The following MYO7A variants were observed in gnomAD, a reference collection of about 807,000 sequenced individuals.
MYO7A encodes the protein unconventional myosin-VIIa.
In MYO7A, 210 loss-of-function variants were observed where a neutral mutation model predicts 263.8. That is an observed-to-expected ratio of 0.80 (90% CI 0.71 to 0.89). The LOEUF is 0.89. MYO7A is among the 40% of genes least tolerant of loss of function. The pLI is 0.00. For missense variants in MYO7A, 2,820 were observed against 2,968.3 expected, an observed-to-expected ratio of 0.95 and a Z score of 1.16; for synonymous variants, 1,239 against 1,197.3, an observed-to-expected ratio of 1.03 and a Z score of -0.72.
chr11:77,153,661 CT>C (rs1952181200), intron 4 of MYO7A, among the ~76,000 whole-genome samples: 1 of 152,210 alleles, frequency 6.6e-6, no homozygotes, highest in Admixed American at 6.5e-5. Flanking sequence ...CTGAAACGGC[CT>C]CTGCCTCCAG....
chr11:77,167,827 G>A (rs781817970), intron 15 of MYO7A, among the ~76,000 whole-genome samples: 4 of 152,114 alleles, frequency 2.6e-5, no homozygotes, highest in Non-Finnish European at 5.9e-5. Flanking sequence ...CTGGATGGTG[G>A]CCTCTCCCCT....
At chr11:77,146,529 G>T (rs982620772) in intron 3 of MYO7A, among the ~76,000 whole-genome samples, 37 of 152,206 alleles carry the variant, frequency 2.4e-4, no homozygotes, top group Non-Finnish European at 5.0e-4. Flanking sequence ...TTAGAGGGTT[G>T]AATGGGCAGG....
chr11:77,204,740 C>T (rs1288200101), intron 39 of MYO7A, among the ~76,000 whole-genome samples: 1 of 152,150 alleles, frequency 6.6e-6, no homozygotes, highest in Non-Finnish European at 1.5e-5. Context: ...AGAAGCTCCA[C>T]CCTCTCTCCT....
intron 5 of MYO7A, among the ~76,000 whole-genome samples, 162 bp downstream of exon 5, chr11:77,156,253 A>G (rs1952450688): frequency 6.6e-6 from 1 of 152,148 alleles, no homozygotes; most frequent in African/African-American, 2.4e-5. Context: ...AATGTAGAAA[A>G]TCACCTCCCC....
chr11:77,193,086 G>T (rs1348769921), intron 31 of MYO7A, among the ~76,000 whole-genome samples: 1 of 88,562 alleles, frequency 1.1e-5, no homozygotes, highest in Admixed American at 1.3e-4. Flanking sequence ...GTAGTTGTTT[G>T]TGATGGTGGA....
At chr11:77,175,891 C>T (rs565940851) in intron 18 of MYO7A, among the ~76,000 whole-genome samples, 17 of 152,344 alleles carry the variant, frequency 1.1e-4, no homozygotes, top group African/African-American at 2.9e-4. Context: ...TGCTGGGGTC[C>T]GCAGCATGCC....
rs186346744 is a variant in MYO7A, at chr11:77,202,160, G to A, written c.5044-140G>A. On this transcript the variant is annotated intron_variant, in intron 36 of 48. Transcript: ENST00000409709. The stretch of plus-strand genomic sequence containing the variant: ...CTCAGAGACCCCAAGGAGGAACGGG[G>A]CTCCCAGGGTCAGAATGGGGCATGG... 8 of 1,111,886 alleles carry A rather than the reference G, an allele frequency of 7.2e-6. No homozygotes were observed. The Admixed American group carries it at 2.4e-4, about 33-fold the overall frequency. 68.9% of individuals were successfully genotyped at this position (1,111,886 alleles called of 1,614,324 possible).
At chr11:77,190,915 G>A (rs775075255) in intron 30 of MYO7A, 45 bp downstream of exon 30, 13 of 1,506,220 alleles carry the variant, frequency 8.6e-6, no homozygotes, top group Admixed American at 4.2e-5. Flanking sequence ...ACCTCCTCCC[G>A]GCCCCACTCC....
chr11:77,184,495 T>G, intron 26 of MYO7A, 93 bp from the exon 27 acceptor site: 1 of 1,110,030 alleles, frequency 9.0e-7, no homozygotes, highest in Non-Finnish European at 1.3e-6. Flanking sequence ...TAGATTCTGT[T>G]TTCTGGGGAG....
At chr11:77,208,972 A>C (rs41298755) in intron 44 of MYO7A, 169 bp downstream of exon 44, 7,909 of 610,886 alleles carry the variant, frequency 0.013, 88 homozygotes, top group Middle Eastern at 0.062. Flanking sequence ...CCAACCCCTG[A>C]TCCTTGTATC....
chr11:77,206,877 C>T (rs1257161779), intron 41 of MYO7A: 3 of 168,960 alleles, frequency 1.8e-5, no homozygotes, highest in African/African-American at 4.8e-5. Flanking sequence ...AGACATCTCT[C>T]CTGCCATTAA....
At chr11:77,203,960 C>A in intron 38 of MYO7A, 116 bp from the exon 39 acceptor site, 2 of 1,193,424 alleles carry the variant, frequency 1.7e-6, no homozygotes, top group Non-Finnish European at 2.3e-6. Flanking sequence ...GAGTGTGCAG[C>A]CTGAGGGCCC....
At chr11:77,171,482 G>A (rs1954089356) in intron 15 of MYO7A, among the ~76,000 whole-genome samples, 1 of 152,188 alleles carries the variant, frequency 6.6e-6, no homozygotes, top group African/African-American at 2.4e-5. Context: ...ATACAATGCA[G>A]TTGGAAAGCA....
chr11:77,161,782 T>C (rs868945869), intron 12 of MYO7A, among the ~76,000 whole-genome samples: 1 of 152,176 alleles, frequency 6.6e-6, no homozygotes, highest in African/African-American at 2.4e-5. Flanking sequence ...CTCTGGGGTC[T>C]TTCTCTCCCA....
Position 77,214,677 on chromosome 11 carries a change from G to T in MYO7A, c.6629G>T (p.Gly2210Val), listed in dbSNP as rs765073964. The T allele has an allele frequency of 6.3e-7, 1 of 1,581,562 alleles. No individual in the cohort carries two copies. Among genetic ancestry groups the T allele is most frequent in the Non-Finnish European group, 8.6e-7 (1 of 1,163,666 alleles). The change falls in exon 49 of 49, where the codon GGC becomes GTC. Residue 2210 changes from glycine to valine, a missense_variant. Coordinates refer to ENST00000409709, the MANE Select transcript of MYO7A (RefSeq NM_000260.4). The part of the protein sequence containing the change: ...QMLTAMSKQR[G>V]SRSGK The stretch of plus-strand genomic sequence containing the variant: ...CTCACAGCCATGAGCAAACAGCGGG[G>T]CTCCAGGAGCGGCAAGTGAACAGTC...
At position 77,182,471 on chromosome 11, in the gene MYO7A, C is replaced by T. The variant is rs1565414739; in HGVS notation, c.3156C>T (p.Leu1052=). Reference sequence around the variant, plus strand: ...CCATCCTCCGCTTCATGGGGGACCTCCCTGAGCCCAAGTACCACACAGCCA... The same window carrying T: ...CCATCCTCCGCTTCATGGGGGACCTTCCTGAGCCCAAGTACCACACAGCCA... ...WITILRFMGD[L]PEPKYHTAMS... The change falls in exon 25 of 49, where the codon CTC becomes CTT. Residue 1052 remains leucine (L), a synonymous_variant. Transcript: ENST00000409709. The T allele has an allele frequency of 1.2e-6, 2 of 1,613,442 alleles. No individual in the cohort carries two copies. The highest frequency in any genetic ancestry group is 1.1e-5 in the South Asian group (1 of 91,076).
chr11:77,213,927 T>C lies in MYO7A; in HGVS notation c.6506T>C (p.Ile2169Thr), dbSNP rs767516961. The change falls in exon 48 of 49, where the codon ATC becomes ACC. Residue 2169 changes from isoleucine (I) to threonine (T), a missense_variant. Physicochemically the swap from Ile to Thr is moderately conservative, Grantham distance 89. Transcript: ENST00000409709. ...AGCAGCGGCAACACCTACTTCCACA[T>C]CACCATTGGGAACTTGGTGCGCGGG... Reference protein sequence around the residue: ...NWSSGNTYFHITIGNLVRGSK... With the variant: ...NWSSGNTYFHTTIGNLVRGSK... 1.9e-6 allele frequency: 3 copies of C among 1,614,038 alleles called. No individual in the cohort carries two copies. The highest frequency in any genetic ancestry group is 2.5e-6 in the Non-Finnish European group (3 of 1,179,898).
intron 47 of MYO7A, 64 bp from the exon 48 acceptor site, chr11:77,213,796 T>C (rs778128347): frequency 1.4e-5 from 23 of 1,610,312 alleles, no homozygotes; most frequent in Non-Finnish European, 1.9e-5. Flanking sequence ...TGTGAGGGCA[T>C]GTGTGGGCAA....
At chr11:77,184,113 T>C (rs1555086747) in intron 26 of MYO7A, among the ~76,000 whole-genome samples, 1 of 151,962 alleles carries the variant, frequency 6.6e-6, no homozygotes, top group Non-Finnish European at 1.5e-5. Context: ...AGGAGAAACA[T>C]CTCATAAGAA....
Sources: gnomAD v4.1 joint callset for allele counts (sites outside exome capture counted in the v4.1 genomes callset) on GRCh38, gnomAD v4.1.1 for gene constraint, MANE v1.5 for transcripts, NCBI Gene and HGNC (gene_info 2026-07-23, HGNC 2026-07-21) for gene names.